The following KCNH7 variants were observed in gnomAD, a reference collection of about 807,000 sequenced individuals.
The protein encoded by KCNH7 is potassium voltage-gated channel subfamily H member 7, also known as voltage-gated inwardly rectifying potassium channel KCNH7.
In KCNH7, 49 loss-of-function variants were observed where a neutral mutation model predicts 120.8. The ratio of observed to expected loss-of-function variants is 0.41; its 90% CI spans 0.32 to 0.51. The LOEUF (loss-of-function observed/expected upper bound fraction) is 0.51, where lower values mean the gene tolerates loss of function less well. Among genes scored for constraint, KCNH7 ranks in the 20% least tolerant of loss-of-function variants. The probability of loss-of-function intolerance (pLI) is 0.38; values close to 1 mark genes in which losing one functional copy is unlikely to be tolerated. For synonymous variants in KCNH7, 547 were observed against 516.1 expected, an observed-to-expected ratio of 1.06 and a Z score of -0.81; for missense variants, 1,097 against 1,446.6, an observed-to-expected ratio of 0.76 and a Z score of 3.92.
At chr2:162,540,771 C>A (rs1387118315) in intron 2 of KCNH7, among the ~76,000 whole-genome samples, 1 of 152,004 alleles carries the variant, frequency 6.6e-6, no homozygotes, top group East Asian at 1.9e-4. Flanking sequence ...CAGGGGTTAG[C>A]ATGATTTGAC....
intron 2 of KCNH7, among the ~76,000 whole-genome samples, chr2:162,824,374 G>T (rs1185949622): frequency 2.0e-5 from 3 of 152,136 alleles, no homozygotes; most frequent in Non-Finnish European, 4.4e-5. Flanking sequence ...GACAGTTGAG[G>T]TTGTGCATCA....
chr2:162,835,549 C>A (rs1573948189), intron 2 of KCNH7, among the ~76,000 whole-genome samples: 1 of 151,802 alleles, frequency 6.6e-6, no homozygotes, highest in Non-Finnish European at 1.5e-5. Context: ...ACAAAATTAA[C>A]TATAACATTC....
chr2:162,402,591 C>T (rs1478316652), intron 9 of KCNH7, among the ~76,000 whole-genome samples: 1 of 151,392 alleles, frequency 6.6e-6, no homozygotes, highest in Non-Finnish European at 1.5e-5. Flanking sequence ...CACCAAGTAA[C>T]AAAACAAATG....
intron 2 of KCNH7, among the ~76,000 whole-genome samples, chr2:162,638,686 A>C (rs1379811300): frequency 6.6e-6 from 1 of 152,092 alleles, no homozygotes; most frequent in African/African-American, 2.4e-5. Context: ...GGAATATGAA[A>C]TTTCTGTGTG....
chr2:162,734,117 T>G (rs2105397002), intron 2 of KCNH7, among the ~76,000 whole-genome samples: 1 of 152,244 alleles, frequency 6.6e-6, no homozygotes, highest in South Asian at 2.1e-4. Flanking sequence ...ATTATTAAAT[T>G]GTGGATTCTA....
intron 2 of KCNH7, among the ~76,000 whole-genome samples, chr2:162,545,187 A>C (rs963015303): frequency 1.3e-5 from 2 of 152,164 alleles, no homozygotes; most frequent in Non-Finnish European, 2.9e-5. Context: ...AATTAACCCA[A>C]TTTAGGAAAT....
At chr2:162,420,805 G>A (rs1295659330) in intron 9 of KCNH7, among the ~76,000 whole-genome samples, 4 of 152,002 alleles carry the variant, frequency 2.6e-5, no homozygotes, top group Non-Finnish European at 4.4e-5. Context: ...ATGCTGATGC[G>A]AAATACAAGT....
At chr2:162,648,565 A>G (rs984431747) in intron 2 of KCNH7, among the ~76,000 whole-genome samples, 1 of 152,146 alleles carries the variant, frequency 6.6e-6, no homozygotes, top group Non-Finnish European at 1.5e-5. Context: ...GCCTGTTAGC[A>G]TTCCATGAAT....
chr2:162,573,332 C>T (rs1415163208), intron 2 of KCNH7, among the ~76,000 whole-genome samples: 1 of 151,902 alleles, frequency 6.6e-6, no homozygotes, highest in East Asian at 1.9e-4. Flanking sequence ...AGTGTCTAAC[C>T]ACTCAAGGGC....
chr2:162,703,033 G>A (rs553292880), intron 2 of KCNH7, among the ~76,000 whole-genome samples: 3 of 152,188 alleles, frequency 2.0e-5, no homozygotes, highest in African/African-American at 7.2e-5. Context: ...CAGGAAGGCC[G>A]CAAAGACCTG....
chr2:162,667,287 A>C (rs6718753), intron 2 of KCNH7, among the ~76,000 whole-genome samples: 25,428 of 152,030 alleles, frequency 0.17, 2,466 homozygotes, highest in East Asian at 0.46. Context: ...TCCTGAAGTG[A>C]TAGAATTACA....
At chr2:162,686,296 CA>C (rs1685888708) in intron 2 of KCNH7, among the ~76,000 whole-genome samples, 1 of 151,986 alleles carries the variant, frequency 6.6e-6, no homozygotes, top group Admixed American at 6.6e-5. Flanking sequence ...CAAAACAAAG[CA>C]AATCAAATAT....
intron 2 of KCNH7, among the ~76,000 whole-genome samples, chr2:162,746,524 A>G (rs1688321166): frequency 6.6e-6 from 1 of 152,122 alleles, no homozygotes; most frequent in African/African-American, 2.4e-5. Flanking sequence ...CTCATCTCAC[A>G]CTGCCAGACT....
rs1245543585 is a variant in KCNH7, at chr2:162,473,276, G to A, written c.1129-26833C>T. Among the ~76,000 whole-genome samples the A allele has an allele frequency of 7.9e-5, 12 of 151,636 alleles. No individual in the cohort carries two copies. In the South Asian group the frequency reaches 2.1e-3, roughly 27 times the overall value. ...ATACTAGAATCATAAAACAAAAAAA[G>A]AGAAAAAAAATAAATGCCTGACTGA... On this transcript the variant is annotated intron_variant, in intron 6 of 15. Transcript: ENST00000332142.
At chr2:162,819,468 C>T (rs576691580) in intron 2 of KCNH7, among the ~76,000 whole-genome samples, 120 of 152,178 alleles carry the variant, frequency 7.9e-4, no homozygotes, top group Admixed American at 1.4e-3. Context: ...TGAATCTACT[C>T]GAAGGTTATA....
chr2:162,446,307 G>T lies in KCNH7; in HGVS notation c.1265C>A (p.Ala422Asp). 1 of 1,613,940 alleles carries T rather than the reference G, an allele frequency of 6.2e-7. No individual in the cohort carries two copies. Among genetic ancestry groups the T allele is most frequent in the Non-Finnish European group, 8.5e-7 (1 of 1,179,882 alleles). ...GGCTGCAGAGTAGGGAGTAAATATA[G>T]CAGTGTATATGACCAACAGCAGGAT... is the stretch of plus-strand genomic sequence containing the variant. ...WLILLLVIYT[A>D]IFTPYSAAFL... The change falls in exon 7 of 16, where the codon GCT becomes GAT. Residue 422 changes from alanine to aspartate, a missense_variant. Around this residue, in one of 8 missense-constraint regions of KCNH7, gnomAD observed 109 missense variants for 196.8 expected, o/e 0.55. Transcript: ENST00000332142.
chr2:162,713,266 G>C (rs909528678), intron 2 of KCNH7, among the ~76,000 whole-genome samples: 1 of 152,148 alleles, frequency 6.6e-6, no homozygotes, highest in Non-Finnish European at 1.5e-5. Context: ...GAAAGAGAGA[G>C]CATCTCAACT....
Position 162,518,054 on chromosome 2 carries a change from G to A in KCNH7, c.568C>T (p.His190Tyr), listed in dbSNP as rs145661878. The part of the protein sequence containing the change: ...PDVVVIDSSK[H>Y]SDDSVAMKHF... ...TTCATGGCTACTGAATCATCACTGT[G>A]TTTAGATGAATCGATGACCACCACA... Residue 190 changes from histidine to tyrosine, a missense_variant, in exon 4 of 16, where the codon CAC becomes TAC. Transcript: ENST00000332142. The A allele has an allele frequency of 1.6e-4, 251 of 1,612,378 alleles. 1 individual carries two copies. The African/African-American group carries it at 3.1e-3, about 20-fold the overall frequency.
intron 4 of KCNH7, among the ~76,000 whole-genome samples, chr2:162,513,992 G>A (rs2105777517): frequency 6.6e-6 from 1 of 151,822 alleles, no homozygotes; most frequent in African/African-American, 2.4e-5. Flanking sequence ...TGCATTACTA[G>A]CTATGAAACA....
Sources: allele counts gnomAD v4.1 joint callset (sites outside exome capture counted in the v4.1 genomes callset), GRCh38; gene constraint gnomAD v4.1.1; regional missense constraint gnomAD v4.1.1; transcripts MANE v1.5; gene names NCBI Gene and HGNC (gene_info 2026-07-23, HGNC 2026-07-21).